The following SNX27 variants were observed in gnomAD, a reference collection of about 807,000 sequenced individuals.
SNX27 encodes sorting nexin-27.
In SNX27, 22 loss-of-function variants were observed where a neutral mutation model predicts 71.6. The observed-to-expected ratio is 0.31, with a 90% CI of 0.22 to 0.44. The LOEUF (loss-of-function observed/expected upper bound fraction) is 0.44. Among genes scored for constraint, SNX27 ranks in the 20% least tolerant of loss-of-function variants. SNX27 has a pLI of 1.00. For missense variants in SNX27, 531 were observed against 698.6 expected, an observed-to-expected ratio of 0.76 and a Z score of 2.70; for synonymous variants, 269 against 277.2, an observed-to-expected ratio of 0.97 and a Z score of 0.29.
intron 2 of SNX27, among the ~76,000 whole-genome samples, chr1:151,651,224 C>CG (rs869102995): frequency 2.0e-5 from 3 of 148,870 alleles, no homozygotes; most frequent in East Asian, 4.1e-4. Flanking sequence ...GCTGGCCGGG[C>CG]GGGGGGCTGA....
At chr1:151,648,706 A>T (rs1030446231) in intron 2 of SNX27, among the ~76,000 whole-genome samples, 3 of 151,646 alleles carry the variant, frequency 2.0e-5, no homozygotes, top group African/African-American at 7.3e-5. Context: ...GGCGTGAGCC[A>T]CCATGCCCAG....
chr1:151,693,707 AG>A, intron 11 of SNX27: 1 of 1,608,580 alleles, frequency 6.2e-7, no homozygotes, highest in Non-Finnish European at 8.5e-7. Context: ...CCTTGTCTAG[AG>A]GGTGGACATT....
intron 8 of SNX27, among the ~76,000 whole-genome samples, chr1:151,687,665 T>C (rs1047210417): frequency 6.6e-6 from 1 of 152,074 alleles, no homozygotes; most frequent in Admixed American, 6.5e-5. Flanking sequence ...TTAAAAACTG[T>C]CGGCCTGGCG....
chr1:151,666,366 T>G, intron 6 of SNX27: 1 of 170,394 alleles, frequency 5.9e-6, no homozygotes, highest in Non-Finnish European at 1.2e-5. Flanking sequence ...TTGTAAAGAT[T>G]CTTAAGCGTA....
At chr1:151,617,010 T>A (rs1243609357) in intron 1 of SNX27, among the ~76,000 whole-genome samples, 5 of 152,188 alleles carry the variant, frequency 3.3e-5, no homozygotes, top group African/African-American at 1.2e-4. Flanking sequence ...CATTTTATCT[T>A]CATGATTATA....
intron 2 of SNX27, among the ~76,000 whole-genome samples, chr1:151,653,583 A>G (rs1443039451): frequency 6.6e-6 from 1 of 152,198 alleles, no homozygotes; most frequent in Non-Finnish European, 1.5e-5. Flanking sequence ...CAGTTGCACA[A>G]TAATGGCTCT....
In SNX27 at chr1:151,661,006, C is replaced by T. The variant is rs1380950306; in HGVS notation, c.801+144C>T. The T allele has an allele frequency of 5.8e-5, 36 of 620,310 alleles. No individual in the cohort carries two copies. In the Admixed American group the frequency reaches 8.9e-4, roughly 15 times the overall value. 38.4% of individuals were successfully genotyped at this position (620,310 alleles called of 1,614,324 possible). On this transcript the variant is annotated intron_variant, in intron 4 of 11. Coordinates refer to ENST00000458013, the MANE Select transcript of SNX27 (RefSeq NM_001330723.2). ...CTACTTCCTTTTTATATGTATCCTA[C>T]TTATCTATCCTTTAAGACCTAGGTC...
intron 3 of SNX27, 71 bp from the exon 4 acceptor site, chr1:151,660,727 T>G: frequency 8.4e-7 from 1 of 1,197,254 alleles, no homozygotes; most frequent in South Asian, 1.2e-5. Context: ...AACTTAAAAC[T>G]TTGATACGTC....
chr1:151,639,182 T>C, intron 2 of SNX27, 63 bp downstream of exon 2: 1 of 1,436,698 alleles, frequency 7.0e-7, no homozygotes, highest in Non-Finnish European at 9.6e-7. Flanking sequence ...CTTATAATTA[T>C]GAAACTATTA....
At position 151,694,398 on chromosome 1, in the gene SNX27, A is replaced by C. The variant is rs747898830; in HGVS notation, c.1607A>C (p.Gln536Pro). The change falls in exon 12 of 12, where the codon CAG becomes CCG. Residue 536 changes from glutamine (Q) to proline (P), a missense_variant. Gln to Pro is a moderately conservative substitution (Grantham distance 76). Around this residue, in one of 5 missense-constraint regions of SNX27, gnomAD observed 157 missense variants for 178.4 expected, o/e 0.88. Coordinates refer to ENST00000458013, the MANE Select transcript of SNX27 (RefSeq NM_001330723.2). ...ATTTTCCAGATGGCGAGGTCACAGC[A>C]GAGAGATGTGGCCACCTAGCCTTTC... is the stretch of plus-strand genomic sequence containing the variant. The part of the protein sequence containing the change: ...ENIFQMARSQ[Q>P]RDVAT 1.9e-6 allele frequency: 3 copies of C among 1,550,268 alleles called. No individual in the cohort carries two copies. The South Asian group carries it at 3.6e-5, about 18-fold the overall frequency.
chr1:151,662,078 C>T (rs963150219), intron 4 of SNX27, 88 bp from the exon 5 acceptor site: 14 of 828,150 alleles, frequency 1.7e-5, no homozygotes, highest in African/African-American at 1.0e-4. Flanking sequence ...TTCTCTACCA[C>T]GTTTTAGGTT....
rs560708168 is a variant in SNX27, at chr1:151,644,292, C to G, written c.543+5173C>G. 3.0e-4 allele frequency among the ~76,000 whole-genome samples: 46 copies of G among 152,284 alleles called. 1 individual carries two copies. Among genetic ancestry groups the G allele is most frequent in the African/African-American group, 1.1e-3 (46 of 41,558 alleles). On this transcript the variant is annotated intron_variant, in intron 2 of 11. Coordinates refer to ENST00000458013, the MANE Select transcript of SNX27 (RefSeq NM_001330723.2). ...CTCATTCCTTGTAGCCATCATTTTC[C>G]AAACCTCCCATCCCCTCCAATTCTA...
intron 7 of SNX27, chr1:151,678,272 C>T (rs1670786326): frequency 1.3e-5 from 2 of 152,180 alleles, no homozygotes; most frequent in Admixed American, 6.5e-5. Context: ...TTTCCTCTCC[C>T]CCTTGGCAAC....
intron 2 of SNX27, among the ~76,000 whole-genome samples, chr1:151,648,568 A>C (rs113385409): frequency 0.026 from 3,921 of 151,840 alleles, 164 homozygotes; most frequent in African/African-American, 0.088. Context: ...TACAGGCATG[A>C]ACCACCACGC....
intron 3 of SNX27, 112 bp downstream of exon 3, chr1:151,658,539 T>A: frequency 9.4e-7 from 1 of 1,065,816 alleles, no homozygotes; most frequent in South Asian, 1.6e-5. Flanking sequence ...GTAAGTCAGG[T>A]TTCTGACTAA....
chr1:151,690,412 G>T (rs1301254524), intron 8 of SNX27, among the ~76,000 whole-genome samples: 6 of 151,914 alleles, frequency 3.9e-5, no homozygotes, highest in African/African-American at 4.8e-5. Context: ...GCCTAATTAT[G>T]GCTGAGTACT....
At chr1:151,652,510 G>A (rs139697616) in intron 2 of SNX27, among the ~76,000 whole-genome samples, 3,477 of 147,292 alleles carry the variant, frequency 0.024, 126 homozygotes, top group African/African-American at 0.08. Flanking sequence ...CCAAGTTCAC[G>A]CAATTCTCCT....
intron 10 of SNX27, 155 bp from the exon 11 acceptor site, chr1:151,693,269 A>G (rs1431129477): frequency 1.1e-6 from 1 of 906,384 alleles, no homozygotes; most frequent in Admixed American, 2.5e-5. Flanking sequence ...GCTAGAGAAT[A>G]GTGGATGAAC....
At chr1:151,653,354 G>C (rs928402539) in intron 2 of SNX27, among the ~76,000 whole-genome samples, 2 of 152,248 alleles carry the variant, frequency 1.3e-5, no homozygotes, top group South Asian at 2.1e-4. Context: ...ACTTGGAAAT[G>C]GGCAATACTC....
Sources: gnomAD v4.1 joint callset for allele counts (sites outside exome capture counted in the v4.1 genomes callset) on GRCh38, gnomAD v4.1.1 for gene constraint, gnomAD v4.1.1 regional missense constraint, MANE v1.5 for transcripts, NCBI Gene and HGNC (gene_info 2026-07-23, HGNC 2026-07-21) for gene names.